Variants in CNTN4 observed in about 807,000 individuals in gnomAD.
CNTN4 encodes the protein contactin 4, also known as contactin-4.
Under a neutral mutation model 122.5 loss-of-function variants are expected in CNTN4, and 77 were observed. That is an observed-to-expected ratio of 0.63 (90% confidence interval 0.52 to 0.76). The LOEUF (loss-of-function observed/expected upper bound fraction) is 0.76, where lower values mean the gene tolerates loss of function less well. Among genes scored for constraint, CNTN4 ranks in the 30% least tolerant of loss-of-function variants. The pLI, the probability that CNTN4 is intolerant of heterozygous loss-of-function variation, is 0.00. For synonymous variants in CNTN4, 512 were observed against 447.0 expected (o/e 1.15, Z -1.83); for missense variants, 1,256 against 1,259.1 (o/e 1.00, Z 0.04).
At chr3:2,350,252 G>A (rs1473576460) in intron 3 of CNTN4, among the ~76,000 whole-genome samples, 6 of 152,160 alleles carry the variant, frequency 3.9e-5, no homozygotes, top group South Asian at 2.1e-4. Context: ...GATTAACCAT[G>A]TTGGTAATGA....
intron 2 of CNTN4, among the ~76,000 whole-genome samples, chr3:2,112,781 T>C (rs1295326371): frequency 6.6e-6 from 1 of 152,198 alleles, no homozygotes; most frequent in Non-Finnish European, 1.5e-5. Context: ...TTTTTTCTTC[T>C]GGTAAGTTAC....
chr3:2,175,486 A>G (rs912921024), intron 2 of CNTN4, among the ~76,000 whole-genome samples: 6 of 152,216 alleles, frequency 3.9e-5, no homozygotes, highest in African/African-American at 1.4e-4. Flanking sequence ...ATTTGTGTAG[A>G]AATTTTATTT....
At chr3:2,367,735 T>A (rs900530888) in intron 3 of CNTN4, among the ~76,000 whole-genome samples, 3 of 152,170 alleles carry the variant, frequency 2.0e-5, no homozygotes, top group Non-Finnish European at 4.4e-5. Flanking sequence ...TCCACCTGCC[T>A]GGGCCTCCCA....
At chr3:2,919,385 G>A (rs916818689) in intron 12 of CNTN4, among the ~76,000 whole-genome samples, 2 of 141,162 alleles carry the variant, frequency 1.4e-5, no homozygotes, top group African/African-American at 5.2e-5. Flanking sequence ...AAACCAGATC[G>A]TTGCTTTTTA....
At chr3:2,306,038 G>A (rs1575327761) in intron 2 of CNTN4, among the ~76,000 whole-genome samples, 1 of 152,114 alleles carries the variant, frequency 6.6e-6, no homozygotes, top group Admixed American at 6.5e-5. Flanking sequence ...TTCATCATTT[G>A]ATGGACTTTG....
chr3:2,507,850 A>C lies in CNTN4; in HGVS notation c.-88-63566A>C, dbSNP rs189755336. Among the ~76,000 whole-genome samples, 717 of 152,034 alleles carry C rather than the reference A, an allele frequency of 4.7e-3. 6 individuals are homozygous for C. Among genetic ancestry groups the C allele is most frequent in the Non-Finnish European group, 7.6e-3 (519 of 67,940 alleles). On this transcript the variant is annotated intron_variant, in intron 3 of 24. Transcript: ENST00000418658. ...ATTAAATGAGAAGTAACACTCATAA[A>C]ACAATTTGTTCTCTCTCTCTTTTCT...
At chr3:2,916,465 T>G (rs1027731441) in intron 12 of CNTN4, among the ~76,000 whole-genome samples, 30 of 149,670 alleles carry the variant, frequency 2.0e-4, no homozygotes, top group Admixed American at 4.0e-4. Flanking sequence ...CCGCCCTTAA[T>G]CCATTTAACC....
At chr3:3,052,325 A>G (rs564741425) in intron 23 of CNTN4, among the ~76,000 whole-genome samples, 4 of 152,222 alleles carry the variant, frequency 2.6e-5, no homozygotes, top group African/African-American at 9.6e-5. Context: ...CTCTCTATCC[A>G]CTACAACAGG....
chr3:2,325,913 C>T (rs560480775), intron 2 of CNTN4, among the ~76,000 whole-genome samples: 1 of 152,106 alleles, frequency 6.6e-6, no homozygotes, highest in African/African-American at 2.4e-5. Flanking sequence ...GATACTTATC[C>T]TATAATATTT....
At chr3:2,667,200 C>T (rs1299133516) in intron 4 of CNTN4, among the ~76,000 whole-genome samples, 1 of 152,128 alleles carries the variant, frequency 6.6e-6, no homozygotes, top group Non-Finnish European at 1.5e-5. Flanking sequence ...AGTTTACAGT[C>T]CCACTAACAG....
At chr3:2,898,663 T>C (rs538202939) in intron 10 of CNTN4, among the ~76,000 whole-genome samples, 3 of 152,238 alleles carry the variant, frequency 2.0e-5, no homozygotes, top group Non-Finnish European at 4.4e-5. Context: ...CTGCATGTGA[T>C]TTTGATGTTT....
At chr3:2,325,087 G>A (rs1310297035) in intron 2 of CNTN4, among the ~76,000 whole-genome samples, 2 of 152,186 alleles carry the variant, frequency 1.3e-5, no homozygotes, top group Non-Finnish European at 2.9e-5. Context: ...AGCTATTTTT[G>A]TAATAATACT....
intron 7 of CNTN4, among the ~76,000 whole-genome samples, chr3:2,853,645 C>T (rs2093583647): frequency 6.6e-6 from 1 of 152,188 alleles, no homozygotes; most frequent in South Asian, 2.1e-4. Context: ...ACTTCTCTGC[C>T]TGTCAGTTCT....
chr3:2,170,679 T>C (rs997343994), intron 2 of CNTN4, among the ~76,000 whole-genome samples: 5 of 152,146 alleles, frequency 3.3e-5, no homozygotes. Context: ...TAGAGAAATG[T>C]AGGGAGTGAA....
rs1465731823 is a variant in CNTN4, at chr3:2,269,902, GTTTGTTTGTTTGTTTA to G, written c.-144-69272_-144-69257del. ...GCCCATCCCCTATTATAGCCAGTTTGTTTGTTTGTTTGTTTATTTATTTATTTATTTATTTATTTAT... is the reference window on the plus strand; with the variant it reads ...GCCCATCCCCTATTATAGCCAGTTTGTTTATTTATTTATTTATTTATTTAT... On this transcript the variant is annotated intron_variant, in intron 2 of 24. Transcript: ENST00000418658. 2.5e-3 allele frequency among the ~76,000 whole-genome samples: 158 copies of G among 62,612 alleles called. 57 individuals carry two copies. Among genetic ancestry groups the G allele is most frequent in the Middle Eastern group, 0.016 (2 of 124 alleles). The allele number at this position is 62,612 out of a possible 152,430, so 41.1% of individuals were successfully genotyped here. A position where few individuals can be genotyped will look rare whatever the true frequency, so the allele number is the denominator to read the frequency against.
At position 2,553,692 on chromosome 3, in the gene CNTN4, T is replaced by A. The variant is rs374120221; in HGVS notation, c.-88-17724T>A. On this transcript the variant is annotated intron_variant, in intron 3 of 24. Transcript: ENST00000418658. ...GAAAAGGATGAGGAAGAGAAAAGGA[T>A]ATGAACACTGGGTTTCAAACTAACT... Among the ~76,000 whole-genome samples, 33 of 152,270 alleles carry A rather than the reference T, an allele frequency of 2.2e-4. No individual in the cohort carries two copies. In the East Asian group the frequency reaches 4.2e-3, roughly 20 times the overall value.
At chr3:2,891,262 G>C (rs1331458210) in intron 10 of CNTN4, among the ~76,000 whole-genome samples, 1 of 152,018 alleles carries the variant, frequency 6.6e-6, no homozygotes, top group Non-Finnish European at 1.5e-5. Context: ...CCAGGAATTC[G>C]AAACCAGCTC....
At chr3:2,579,355 C>T (rs1396845212) in intron 4 of CNTN4, among the ~76,000 whole-genome samples, 1 of 152,214 alleles carries the variant, frequency 6.6e-6, no homozygotes, top group African/African-American at 2.4e-5. Context: ...AGTGATGCTG[C>T]CTCAAAGCTT....
At chr3:2,525,584 G>A (rs1470627538) in intron 3 of CNTN4, among the ~76,000 whole-genome samples, 2 of 152,076 alleles carry the variant, frequency 1.3e-5, no homozygotes, top group African/African-American at 4.8e-5. Flanking sequence ...TTGAACACAA[G>A]GTGTAAAAAT....
Sources: allele counts gnomAD v4.1 joint callset (sites outside exome capture counted in the v4.1 genomes callset), GRCh38; gene constraint gnomAD v4.1.1; transcripts MANE v1.5; gene names NCBI Gene and HGNC (gene_info 2026-07-23, HGNC 2026-07-21).